The following PRKCI variants were observed in gnomAD, a reference collection of about 807,000 sequenced individuals.
PRKCI encodes protein kinase C iota.
Under a neutral mutation model 84.0 loss-of-function variants are expected in PRKCI, and 43 were observed. The observed-to-expected ratio is 0.51, with a 90% CI of 0.40 to 0.66. The LOEUF is 0.66. PRKCI is among the 30% of genes least tolerant of loss of function. The probability of loss-of-function intolerance (pLI) is 0.00; values close to 1 mark genes in which losing one functional copy is unlikely to be tolerated. For missense variants in PRKCI, 459 were observed against 745.6 expected (o/e 0.62, Z 4.48); for synonymous variants, 216 against 234.4 (o/e 0.92, Z 0.72).
At chr3:170,251,748 A>G (rs561999789) in intron 2 of PRKCI, among the ~76,000 whole-genome samples, 3 of 151,996 alleles carry the variant, frequency 2.0e-5, no homozygotes, top group Non-Finnish European at 2.9e-5. Flanking sequence ...TGTCTCTACT[A>G]AAAATACAAA....
intron 2 of PRKCI, among the ~76,000 whole-genome samples, chr3:170,252,227 AG>A (rs1393965991): frequency 2.0e-5 from 3 of 151,986 alleles, no homozygotes; most frequent in Non-Finnish European, 4.4e-5. Context: ...AAAAAAAAAA[AG>A]AAATTAGGAA....
At chr3:170,248,427 C>G (rs1733348917) in intron 2 of PRKCI, among the ~76,000 whole-genome samples, 1 of 152,100 alleles carries the variant, frequency 6.6e-6, no homozygotes, top group Non-Finnish European at 1.5e-5. Context: ...TTGAAGTTCA[C>G]TGCACTGAAC....
intron 2 of PRKCI, among the ~76,000 whole-genome samples, chr3:170,244,437 A>T (rs1423555221): frequency 1.3e-5 from 2 of 152,174 alleles, no homozygotes; most frequent in Non-Finnish European, 2.9e-5. Flanking sequence ...AGGTCCTGGG[A>T]GGGTGGTACA....
At chr3:170,229,378 A>G (rs776171002) in intron 1 of PRKCI, among the ~76,000 whole-genome samples, 2 of 152,196 alleles carry the variant, frequency 1.3e-5, no homozygotes, top group Non-Finnish European at 2.9e-5. Flanking sequence ...CAGTGGCATG[A>G]TCTAGGCCCT....
intron 2 of PRKCI, among the ~76,000 whole-genome samples, chr3:170,258,351 G>C (rs1733639304): frequency 6.6e-6 from 1 of 151,544 alleles, no homozygotes; most frequent in Non-Finnish European, 1.5e-5. Context: ...TGTTGCCCAG[G>C]GTGGAGTTCA....
At chr3:170,239,698 T>C (rs1207943379) in intron 2 of PRKCI, among the ~76,000 whole-genome samples, 1 of 152,122 alleles carries the variant, frequency 6.6e-6, no homozygotes, top group Non-Finnish European at 1.5e-5. Flanking sequence ...TCTCCATTCA[T>C]TTTGTATCTT....
chr3:170,283,416 C>G (rs1303251708), intron 11 of PRKCI, among the ~76,000 whole-genome samples: 1 of 152,144 alleles, frequency 6.6e-6, no homozygotes, highest in Non-Finnish European at 1.5e-5. Context: ...AAATTTGCTA[C>G]TTCATTATTG....
chr3:170,281,857 T>G, intron 10 of PRKCI, 25 bp from the exon 11 acceptor site: 1 of 1,563,868 alleles, frequency 6.4e-7, no homozygotes, highest in Non-Finnish European at 8.6e-7. Flanking sequence ...GATCTTGATT[T>G]CATGGGTTCT....
chr3:170,247,389 G>T (rs1308313867), intron 2 of PRKCI, among the ~76,000 whole-genome samples: 2 of 149,808 alleles, frequency 1.3e-5, no homozygotes, highest in Non-Finnish European at 1.5e-5. Flanking sequence ...TTTTAAAATT[G>T]TTTTAGAGGG....
intron 2 of PRKCI, among the ~76,000 whole-genome samples, chr3:170,247,481 A>T (rs1311771548): frequency 6.6e-6 from 1 of 151,926 alleles, no homozygotes; most frequent in South Asian, 2.1e-4. Flanking sequence ...CTGTAATCCC[A>T]GCACTTTGGG....
intron 10 of PRKCI, 166 bp from the exon 11 acceptor site, chr3:170,281,716 C>T: frequency 1.2e-6 from 1 of 810,752 alleles, no homozygotes; most frequent in Non-Finnish European, 1.7e-6. Flanking sequence ...GGTTTACTTT[C>T]TCGTATGTTC....
Position 170,303,923 on chromosome 3 carries a change from GGA to G in PRKCI, c.*799_*800del, listed in dbSNP as rs371185429. 671 of 168,352 alleles carry G rather than the reference GGA, an allele frequency of 4.0e-3. 4 individuals carry two copies. Among genetic ancestry groups the G allele is most frequent in the Middle Eastern group, 0.025 (10 of 400 alleles). The allele number at this position is 168,352 out of a possible 1,614,324, so 10.4% of individuals were successfully genotyped here. On this transcript the variant is annotated 3_prime_UTR_variant, in exon 18 of 18. Transcript: ENST00000295797. The stretch of plus-strand genomic sequence containing the variant: ...GAAACAGGAGAATCGCTTGAACCCA[GGA>G]GATGGAGTTGGCAGTGAGCCAAGAT...
chr3:170,261,470 A>C (rs1323549666), intron 3 of PRKCI, among the ~76,000 whole-genome samples: 1 of 151,114 alleles, frequency 6.6e-6, no homozygotes, highest in African/African-American at 2.4e-5. Flanking sequence ...AAAAAAAAAA[A>C]AAAAACAGTG....
chr3:170,269,970 AG>A (rs1733958874), intron 5 of PRKCI, among the ~76,000 whole-genome samples: 2 of 151,466 alleles, frequency 1.3e-5, no homozygotes, highest in African/African-American at 4.9e-5. Context: ...AAAAAAAAAA[AG>A]AAAGAAAAGA....
At chr3:170,286,280 C>T (rs899784395) in intron 12 of PRKCI, among the ~76,000 whole-genome samples, 2 of 151,950 alleles carry the variant, frequency 1.3e-5, no homozygotes, top group African/African-American at 2.4e-5. Flanking sequence ...GAAAGCTTAG[C>T]GAGTGGAACC....
rs1363188228 is a variant in PRKCI, at chr3:170,270,572, T to C, written c.591+11T>C. The stretch of plus-strand genomic sequence containing the variant: ...CATTCTTTGCCACAGGTAAGATGTC[T>C]GTCCTTTTTTTTTTTTTTTTTTTTA... On this transcript the variant is annotated intron_variant, in intron 6 of 17. Transcript: ENST00000295797. 6.5e-7 allele frequency: 1 copy of C among 1,530,640 alleles called. No homozygotes were observed. The allele number at this position is 1,530,640 out of a possible 1,614,324, so 94.8% of individuals were successfully genotyped here.
chr3:170,237,818 AAAG>A (rs1254992278), intron 2 of PRKCI, among the ~76,000 whole-genome samples: 1 of 152,216 alleles, frequency 6.6e-6, no homozygotes, highest in Non-Finnish European at 1.5e-5. Flanking sequence ...TGAAATGTAA[AAAG>A]AAGCCTCCTG....
chr3:170,241,165 C>A (rs1159775563), intron 2 of PRKCI, among the ~76,000 whole-genome samples: 1 of 152,036 alleles, frequency 6.6e-6, no homozygotes, highest in Admixed American at 6.6e-5. Flanking sequence ...ACATCTATTA[C>A]CTCAAATACT....
intron 6 of PRKCI, among the ~76,000 whole-genome samples, chr3:170,272,253 A>T (rs1450682303): frequency 6.6e-6 from 1 of 152,178 alleles, no homozygotes; most frequent in African/African-American, 2.4e-5. Flanking sequence ...CACACTGCCT[A>T]TCGATTAGCC....
Sources: gnomAD v4.1 joint callset for allele counts (sites outside exome capture counted in the v4.1 genomes callset) on GRCh38, gnomAD v4.1.1 for gene constraint, MANE v1.5 for transcripts, NCBI Gene and HGNC (gene_info 2026-07-23, HGNC 2026-07-21) for gene names.